NBAS: variants seen among roughly 807,000 people sequenced by gnomAD.
The protein encoded by NBAS is NBAS subunit of NRZ tethering complex, also known as NAG/BC035112 fusion.
NBAS carries 219 observed loss-of-function variants against 302.5 expected under a neutral mutation model. That is an observed-to-expected ratio of 0.72 (90% CI 0.65 to 0.81). The LOEUF (loss-of-function observed/expected upper bound fraction) is 0.81, where lower values mean the gene tolerates loss of function less well. Among genes scored for constraint, NBAS ranks in the 30% least tolerant of loss-of-function variants. NBAS has a pLI of 0.00. For missense variants in NBAS, 2,932 were observed against 2,841.6 expected (o/e 1.03, Z -0.72); for synonymous variants, 1,118 against 1,021.6 (o/e 1.09, Z -1.80).
the NBAS span, among the ~76,000 whole-genome samples, chr2:14,871,658 GA>G: frequency 6.6e-5 from 10 of 151,750 alleles, no homozygotes; most frequent in East Asian, 1.5e-3. Flanking sequence ...AGAGGAGAAA[GA>G]GAAGTATATT....
intron 31 of NBAS, among the ~76,000 whole-genome samples, chr2:15,372,595 A>C (rs939359475): frequency 7.9e-5 from 12 of 152,230 alleles, no homozygotes; most frequent in African/African-American, 2.7e-4. Flanking sequence ...CACAACAAAA[A>C]GTATACAAAG....
intron 51 of NBAS, chr2:15,178,031 G>T: frequency 2.7e-6 from 1 of 366,366 alleles, no homozygotes; most frequent in Non-Finnish European, 5.7e-6. Flanking sequence ...AGAATTTTCT[G>T]TATCCTTTGT....
intron 48 of NBAS, among the ~76,000 whole-genome samples, chr2:15,192,761 A>T (rs952287071): frequency 3.3e-5 from 5 of 152,204 alleles, no homozygotes; most frequent in Admixed American, 3.3e-4. Context: ...CATTGTAAGA[A>T]GTGTTTCCAA....
the NBAS span, among the ~76,000 whole-genome samples, chr2:14,913,689 G>A: frequency 1.3e-5 from 2 of 152,178 alleles, no homozygotes; most frequent in Non-Finnish European, 2.9e-5. Flanking sequence ...AAGGGCATCA[G>A]GCAGGGGAAA....
At chr2:15,493,055 T>G (rs1160298271) in intron 11 of NBAS, among the ~76,000 whole-genome samples, 1 of 152,204 alleles carries the variant, frequency 6.6e-6, no homozygotes, top group African/African-American at 2.4e-5. Flanking sequence ...TTCCCCATGC[T>G]GTTCTCATGC....
the NBAS span, among the ~76,000 whole-genome samples, chr2:14,979,032 A>C: frequency 6.6e-6 from 1 of 152,100 alleles, no homozygotes. Flanking sequence ...TGGGGGAGAA[A>C]GTTTTCATTT....
intron 44 of NBAS, among the ~76,000 whole-genome samples, chr2:15,239,615 T>C (rs1667769979): frequency 6.6e-6 from 1 of 151,912 alleles, no homozygotes; most frequent in Non-Finnish European, 1.5e-5. Flanking sequence ...TTCAGATTCC[T>C]AGATTCAGGA....
chr2:14,860,309 G>C, the NBAS span, among the ~76,000 whole-genome samples: 3 of 152,118 alleles, frequency 2.0e-5, no homozygotes, highest in African/African-American at 2.4e-5. Flanking sequence ...GCTATCATAT[G>C]ATCCAGCAAT....
chr2:15,420,800 T>C (rs989501943), intron 23 of NBAS, among the ~76,000 whole-genome samples: 15 of 151,294 alleles, frequency 9.9e-5, no homozygotes, highest in Admixed American at 9.9e-4. Flanking sequence ...ATGAGGGAAG[T>C]GGTGGGGTAA....
the NBAS span, among the ~76,000 whole-genome samples, chr2:14,860,359 T>G: frequency 6.6e-6 from 1 of 152,180 alleles, no homozygotes; most frequent in Non-Finnish European, 1.5e-5. Context: ...AAAGAATTGA[T>G]GTACTGAAGA....
the NBAS span, among the ~76,000 whole-genome samples, chr2:14,842,629 C>T: frequency 2.6e-5 from 4 of 151,824 alleles, no homozygotes; most frequent in African/African-American, 4.8e-5. Flanking sequence ...TAAAGAAATA[C>T]AAAACTTCAT....
intron 9 of NBAS, among the ~76,000 whole-genome samples, chr2:15,526,390 C>T (rs892582967): frequency 5.3e-5 from 8 of 152,136 alleles, no homozygotes; most frequent in South Asian, 2.1e-4. Flanking sequence ...TTAGGCAAAA[C>T]GATGAATTTC....
the NBAS span, among the ~76,000 whole-genome samples, chr2:15,017,158 A>G: frequency 7.9e-5 from 12 of 152,140 alleles, no homozygotes; most frequent in African/African-American, 2.9e-4. Flanking sequence ...CTATACAAAA[A>G]TCATCTCCAA....
intron 21 of NBAS, among the ~76,000 whole-genome samples, chr2:15,440,693 T>C (rs1004204000): frequency 9.2e-5 from 14 of 152,102 alleles, no homozygotes; most frequent in Non-Finnish European, 1.6e-4. Context: ...AGGCTTCAGA[T>C]GATCCAACTA....
chr2:15,478,384 C>T (rs1680281133), intron 12 of NBAS, 95 bp from the exon 13 acceptor site: 7 of 888,602 alleles, frequency 7.9e-6, no homozygotes, highest in East Asian at 2.5e-5. Context: ...AAAGAGATGA[C>T]GCTTTCCCTT....
At chr2:15,098,632 T>C in the NBAS span, among the ~76,000 whole-genome samples, 291 of 131,606 alleles carry the variant, frequency 2.2e-3, 2 homozygotes, top group Non-Finnish European at 2.9e-3. Context: ...ATATTGTATA[T>C]TATATATTAT....
At chr2:15,118,442 C>T in the NBAS span, among the ~76,000 whole-genome samples, 10 of 152,286 alleles carry the variant, frequency 6.6e-5, no homozygotes, top group East Asian at 3.9e-4. Context: ...CCCATATTCG[C>T]GCCCTTGTTT....
chr2:14,996,367 G>T, the NBAS span, among the ~76,000 whole-genome samples: 4 of 152,120 alleles, frequency 2.6e-5, no homozygotes, highest in African/African-American at 4.8e-5. Context: ...AAGCCTAGGG[G>T]TGTGACAGAA....
At chr2:15,262,635 A>G (rs1345118811) in intron 44 of NBAS, among the ~76,000 whole-genome samples, 1 of 152,216 alleles carries the variant, frequency 6.6e-6, no homozygotes, top group African/African-American at 2.4e-5. Flanking sequence ...TCTAAGATCT[A>G]TCAAGATTCA....
Sources: gnomAD v4.1 joint callset for allele counts (sites outside exome capture counted in the v4.1 genomes callset) on GRCh38, gnomAD v4.1.1 for gene constraint, MANE v1.5 for transcripts, NCBI Gene and HGNC (gene_info 2026-07-23, HGNC 2026-07-21) for gene names.